Variants in PRKAA1 observed in about 807,000 individuals in gnomAD.
PRKAA1 encodes protein kinase AMP-activated catalytic subunit alpha 1.
A neutral mutation model predicts 56.9 loss-of-function variants in PRKAA1; 23 were observed. The observed-to-expected ratio is 0.40, with a 90% confidence interval of 0.29 to 0.57. The LOEUF (loss-of-function observed/expected upper bound fraction) is 0.57. PRKAA1 is among the 20% of genes least tolerant of loss of function. PRKAA1 has a pLI of 0.39. For synonymous variants in PRKAA1, 226 were observed against 227.0 expected, an observed-to-expected ratio of 1.00 and a Z score of 0.04; for missense variants, 413 against 679.7, an observed-to-expected ratio of 0.61 and a Z score of 4.36.
chr5:40,796,433 G>C (rs767033545), intron 1 of PRKAA1, among the ~76,000 whole-genome samples: 1 of 152,060 alleles, frequency 6.6e-6, no homozygotes, highest in African/African-American at 2.4e-5. Context: ...GGAAGGGATG[G>C]GGGCAAAAAT....
chr5:40,795,008 TACACACACACAC>T (rs201435537), intron 1 of PRKAA1, among the ~76,000 whole-genome samples: 3 of 149,948 alleles, frequency 2.0e-5, no homozygotes, highest in African/African-American at 7.4e-5. Context: ...TACATATATA[TACACACACACAC>T]ACACACACAC....
Position 40,759,910 on chromosome 5 carries a change from A to G in PRKAA1, c.*2868T>C, listed in dbSNP as rs1561160580. On this transcript the variant is annotated 3_prime_UTR_variant, in exon 9 of 9. Coordinates refer to ENST00000397128, the MANE Select transcript of PRKAA1 (RefSeq NM_006251.6). ...CTCCCATATGCCCCAACCTGGTAGAAAAGTTCCTCTCAGTGAGAAATCATT... is the reference window on the plus strand; with the variant it reads ...CTCCCATATGCCCCAACCTGGTAGAGAAGTTCCTCTCAGTGAGAAATCATT... The G allele has an allele frequency of 6.6e-6, 1 of 152,604 alleles. No homozygotes were observed. The highest frequency in any genetic ancestry group is 2.1e-4 in the South Asian group (1 of 4,838). 9.5% of individuals were successfully genotyped at this position (152,604 alleles called of 1,614,324 possible).
At position 40,767,567 on chromosome 5, in the gene PRKAA1, C is replaced by G. The variant is rs776930644; in HGVS notation, c.720G>C (p.Gly240=). The G allele has an allele frequency of 2.7e-5, 44 of 1,612,642 alleles. No homozygotes were observed. In the South Asian group the frequency reaches 4.6e-4, roughly 17 times the overall value. Reference sequence around the variant, plus strand: ...TTAAATATTGAGGGGTATAGAAGATCCCATCACATATCTTCTTAAAAAGAG... The same window carrying G: ...TTAAATATTGAGGGGTATAGAAGATGCCATCACATATCTTCTTAAAAAGAG... ...VPTLFKKICD[G]IFYTPQYLNP... Residue 240 remains glycine (G), a synonymous_variant, in exon 6 of 9, where the codon GGG becomes GGC. Coordinates refer to ENST00000397128, the MANE Select transcript of PRKAA1 (RefSeq NM_006251.6).
rs147705979 is a variant in PRKAA1 at position 40,785,822 on chromosome 5, GCACA to G, written c.128-8240_128-8237del. On this transcript the variant is annotated intron_variant, in intron 1 of 8. Coordinates refer to ENST00000397128, the MANE Select transcript of PRKAA1 (RefSeq NM_006251.6). Reference sequence around the variant, plus strand: ...CTGGTATCCTTACAAGAAGAGGAGAGCACACACACACACACACAGAGAGAGAGAG... The same window carrying G: ...CTGGTATCCTTACAAGAAGAGGAGAGCACACACACACACAGAGAGAGAGAG... Among the ~76,000 whole-genome samples, 504 of 93,050 alleles carry G rather than the reference GCACA, an allele frequency of 5.4e-3. 1 individual carries two copies. Among genetic ancestry groups the G allele is most frequent in the African/African-American group, 0.018 (456 of 25,494 alleles). The allele number at this position is 93,050 out of a possible 152,430, so 61.0% of individuals were successfully genotyped here.
At chr5:40,764,722 C>T (rs759390884) in intron 7 of PRKAA1, 30 bp downstream of exon 7, 1 of 1,603,452 alleles carries the variant, frequency 6.2e-7, no homozygotes, top group South Asian at 1.1e-5. Flanking sequence ...GCCAAATATG[C>T]TAATAATCAA....
intron 5 of PRKAA1, 42 bp from the exon 6 acceptor site, chr5:40,767,732 C>G (rs1166755543): frequency 1.3e-6 from 2 of 1,494,884 alleles, no homozygotes; most frequent in Non-Finnish European, 1.8e-6. Flanking sequence ...ATCATTTTAA[C>G]CTAAGATTCA....
intron 6 of PRKAA1, 124 bp from the exon 7 acceptor site, chr5:40,765,362 T>G: frequency 8.5e-7 from 1 of 1,182,002 alleles, no homozygotes; most frequent in Non-Finnish European, 1.1e-6. Flanking sequence ...TATTGTCACT[T>G]TTTGCACTGA....
chr5:40,762,642 A>C lies in PRKAA1; in HGVS notation c.*136T>G. ...GGCTTTTAACTATAAATCATGTTCCAATCCCTGTGCAAATTGCATTCCAAA... is the reference window on the plus strand; with the variant it reads ...GGCTTTTAACTATAAATCATGTTCCCATCCCTGTGCAAATTGCATTCCAAA... On this transcript the variant is annotated 3_prime_UTR_variant, in exon 9 of 9. Coordinates refer to ENST00000397128, the MANE Select transcript of PRKAA1 (RefSeq NM_006251.6). 7.3e-6 allele frequency: 8 copies of C among 1,090,242 alleles called. No homozygotes were observed. Among genetic ancestry groups the C allele is most frequent in the Non-Finnish European group, 1.0e-5 (8 of 772,526 alleles). The allele number at this position is 1,090,242 out of a possible 1,614,324, so 67.5% of individuals were successfully genotyped here.
intron 2 of PRKAA1, 89 bp downstream of exon 2, chr5:40,777,356 T>G: frequency 4.3e-6 from 6 of 1,383,652 alleles, no homozygotes; most frequent in Non-Finnish European, 6.0e-6. Context: ...AAAAGAAGTG[T>G]CAGTCATTTT....
rs1745033951 is a variant in PRKAA1 at position 40,798,210 on chromosome 5, A to AG, written c.-22dup. 7.4e-6 allele frequency: 1 copy of AG among 135,440 alleles called. No individual in the cohort carries two copies. The highest frequency in any genetic ancestry group is 9.9e-5 in the African/African-American group (1 of 10,060). The allele number at this position is 135,440 out of a possible 1,614,324, so 8.4% of individuals were successfully genotyped here. On this transcript the variant is annotated 5_prime_UTR_variant, in exon 1 of 9. Transcript: ENST00000397128. Reference sequence around the variant, plus strand: ...CGCATGGCGCTGCGGGAGGGGGCGGAGGGGGCGGGCAGGGCCGCGCCGGGG... The same window carrying AG: ...CGCATGGCGCTGCGGGAGGGGGCGGAGGGGGGCGGGCAGGGCCGCGCCGGGG...
chr5:40,790,936 T>C (rs946322397), intron 1 of PRKAA1, among the ~76,000 whole-genome samples: 1 of 152,184 alleles, frequency 6.6e-6, no homozygotes, highest in African/African-American at 2.4e-5. Context: ...AGGTATTGTC[T>C]TTTACAGATA....
chr5:40,775,545 T>C, intron 2 of PRKAA1, 42 bp from the exon 3 acceptor site: 1 of 1,377,644 alleles, frequency 7.3e-7, no homozygotes. Flanking sequence ...AAAACACATA[T>C]ATTCATTCAT....
intron 3 of PRKAA1, chr5:40,774,795 C>T: frequency 1.5e-6 from 1 of 661,966 alleles, no homozygotes; most frequent in South Asian, 2.2e-5. Flanking sequence ...CTTTTGCATA[C>T]CACATAACCT....
In PRKAA1 at chr5:40,771,854, T is replaced by C; in HGVS notation, c.373A>G (p.Lys125Glu). The C allele has an allele frequency of 6.2e-7, 1 of 1,609,622 alleles. No homozygotes were observed. Among genetic ancestry groups the C allele is most frequent in the South Asian group, 1.1e-5 (1 of 89,510 alleles). The change falls in exon 4 of 9, where the codon AAA (lysine) becomes GAA (glutamate). Residue 125 changes from lysine to glutamate, a missense_variant. Lys to Glu is a moderately conservative substitution (Grantham distance 56). Around this residue, in one of 9 missense-constraint regions of PRKAA1, gnomAD observed 29 missense variants for 44.2 expected, o/e 0.66. Coordinates refer to ENST00000397128, the MANE Select transcript of PRKAA1 (RefSeq NM_006251.6). ...TGTTGGAACAGACGCCGACTTTCTTTTTCATCCAGCTAAGAAAAGTTAGAG... is the reference window on the plus strand; with the variant it reads ...TGTTGGAACAGACGCCGACTTTCTTCTTCATCCAGCTAAGAAAAGTTAGAG... ...YICKNGRLDEKESRRLFQQIL... is the reference protein window; with the variant it reads ...YICKNGRLDEEESRRLFQQIL...
chr5:40,785,837 C>CAGAG (rs70988809), intron 1 of PRKAA1, among the ~76,000 whole-genome samples: 2,769 of 51,868 alleles, frequency 0.053, 51 homozygotes, highest in African/African-American at 0.096. Context: ...CACACACACA[C>CAGAG]ACAGAGAGAG....
rs571194717 is a variant in PRKAA1, at chr5:40,768,893, T to C, written c.596+523A>G. The C allele has an allele frequency of 7.7e-6, 12 of 1,564,954 alleles. No individual in the cohort carries two copies. In the East Asian group the frequency reaches 2.5e-4, roughly 32 times the overall value. Reference sequence around the variant, plus strand: ...AATATCTTCATGTTCTCAATGCTGGTAGTTAGTAAATTGAGAGGTTAAAAT... The same window carrying C: ...AATATCTTCATGTTCTCAATGCTGGCAGTTAGTAAATTGAGAGGTTAAAAT... On this transcript the variant is annotated intron_variant, in intron 5 of 8. Coordinates refer to ENST00000397128, the MANE Select transcript of PRKAA1 (RefSeq NM_006251.6).
chr5:40,769,539 C>G lies in PRKAA1; in HGVS notation c.509-36G>C. On this transcript the variant is annotated intron_variant, in intron 4 of 8. Transcript: ENST00000397128. ...ACAAAATCAGCTACTCAAAAGATTT[C>G]CCAAAGACAAAAATTAAAATCCCAT... The G allele has an allele frequency of 2.0e-6, 3 of 1,464,066 alleles. No individual in the cohort carries two copies. In the East Asian group the frequency reaches 6.9e-5, roughly 34 times the overall value. The allele number at this position is 1,464,066 out of a possible 1,614,324, so 90.7% of individuals were successfully genotyped here. A position where few individuals can be genotyped will look rare whatever the true frequency, so the allele number is the denominator to read the frequency against.
intron 3 of PRKAA1, among the ~76,000 whole-genome samples, chr5:40,773,353 TAGAC>T (rs10568971): frequency 0.68 from 102,238 of 151,428 alleles, 34,696 homozygotes; most frequent in East Asian, 0.77. Flanking sequence ...AAAAGTAAAA[TAGAC>T]AGGCTACAAA....
intron 8 of PRKAA1, 57 bp from the exon 9 acceptor site, chr5:40,763,079 G>GT (rs1199219083): frequency 1.3e-6 from 2 of 1,578,630 alleles, no homozygotes; most frequent in African/African-American, 2.7e-5. Context: ...AAAAATTTTT[G>GT]TAACAGTATT....
Sources: allele counts gnomAD v4.1 joint callset (sites outside exome capture counted in the v4.1 genomes callset), GRCh38; gene constraint gnomAD v4.1.1; regional missense constraint gnomAD v4.1.1; transcripts MANE v1.5; gene names NCBI Gene and HGNC (gene_info 2026-07-23, HGNC 2026-07-21).